The following MAP3K7 variants were observed in gnomAD, a reference collection of about 807,000 sequenced individuals.
MAP3K7 encodes the protein mitogen-activated protein kinase kinase kinase 7.
A neutral mutation model predicts 84.8 loss-of-function variants in MAP3K7; 21 were observed. The ratio of observed to expected loss-of-function variants is 0.25; its 90% CI spans 0.18 to 0.36. The LOEUF (loss-of-function observed/expected upper bound fraction) is 0.36, where lower values mean the gene tolerates loss of function less well. Ranked by LOEUF, MAP3K7 falls within the 10% of genes least tolerant of loss-of-function variation. The probability of loss-of-function intolerance (pLI) is 1.00; values close to 1 mark genes in which losing one functional copy is unlikely to be tolerated. For missense variants in MAP3K7, 503 were observed against 747.7 expected (o/e 0.67, Z 3.82); for synonymous variants, 241 against 247.7 (o/e 0.97, Z 0.25).
At chr6:90,516,868 A>G (rs1040190168) in intron 16 of MAP3K7, among the ~76,000 whole-genome samples, 187 bp from the exon 17 acceptor site, 8 of 152,022 alleles carry the variant, frequency 5.3e-5, no homozygotes, top group Non-Finnish European at 1.0e-4. Context: ...TCATACAAAT[A>G]ACATAATCCT....
chr6:90,525,635 A>G (rs1451212748), intron 13 of MAP3K7, among the ~76,000 whole-genome samples: 1 of 152,110 alleles, frequency 6.6e-6, no homozygotes. Flanking sequence ...TGGTACCATC[A>G]TGGCTCACTG....
At chr6:90,569,432 T>C (rs1029154666) in intron 2 of MAP3K7, among the ~76,000 whole-genome samples, 1 of 152,168 alleles carries the variant, frequency 6.6e-6, no homozygotes, top group African/African-American at 2.4e-5. Flanking sequence ...CAGAGGTCAA[T>C]GAGGGGTTTG....
chr6:90,583,865 G>A (rs969184640), intron 1 of MAP3K7, among the ~76,000 whole-genome samples: 22 of 152,050 alleles, frequency 1.4e-4, no homozygotes, highest in African/African-American at 4.6e-4. Context: ...ACTAAATGAT[G>A]TTTAAAAAGT....
At position 90,562,441 on chromosome 6, in the gene MAP3K7, C is replaced by T. The variant is rs551597099; in HGVS notation, c.298-774G>A. Among the ~76,000 whole-genome samples the T allele has an allele frequency of 3.2e-4, 49 of 152,308 alleles. 1 individual carries two copies. The highest frequency in any genetic ancestry group is 2.0e-3 in the Admixed American group (31 of 15,308). On this transcript the variant is annotated intron_variant, in intron 3 of 16. Coordinates refer to ENST00000369329, the MANE Select transcript of MAP3K7 (RefSeq NM_145331.3). ...AGGAGATTATATCCTGCACCTGGCT[C>T]GGAGGGTCCCATGCCCACGGTGCCT... is the stretch of plus-strand genomic sequence containing the variant.
intron 2 of MAP3K7, 31 bp downstream of exon 2, chr6:90,571,666 A>C: frequency 7.5e-7 from 1 of 1,337,046 alleles, no homozygotes; most frequent in South Asian, 1.3e-5. Flanking sequence ...TAAGTGCAGA[A>C]CTACACAAAA....
In MAP3K7 at chr6:90,544,632, G is replaced by C. The variant is rs752610893; in HGVS notation, c.1211C>G (p.Ala404Gly). ...EIEARIAATTAYSKPKRGHRK... is the reference protein window; with the variant it reads ...EIEARIAATTGYSKPKRGHRK... The stretch of plus-strand genomic sequence containing the variant: ...GTGGCCCCGTTTAGGCTTGGAATAG[G>C]CTGCAAAAACACATATATACAGTAT... The change falls in exon 12 of 17, where the codon GCC (alanine) becomes GGC (glycine). Residue 404 changes from alanine (A) to glycine (G), a missense_variant and splice_region_variant. Around this residue, in one of 5 missense-constraint regions of MAP3K7, gnomAD observed 286 missense variants for 313.6 expected, o/e 0.91. Transcript: ENST00000369329. 1 of 1,611,986 alleles carries C rather than the reference G, an allele frequency of 6.2e-7. No homozygotes were observed. Among genetic ancestry groups the C allele is most frequent in the Non-Finnish European group, 8.5e-7 (1 of 1,178,526 alleles).
chr6:90,561,102 A>G (rs1776498027), intron 4 of MAP3K7, among the ~76,000 whole-genome samples: 1 of 152,202 alleles, frequency 6.6e-6, no homozygotes, highest in Non-Finnish European at 1.5e-5. Flanking sequence ...AACTGGTGCT[A>G]CAAGAGACAA....
At position 90,570,434 on chromosome 6, in the gene MAP3K7, A is replaced by C. The variant is rs1200020354; in HGVS notation, c.231+1263T>G. Among the ~76,000 whole-genome samples the C allele has an allele frequency of 2.0e-5, 3 of 152,166 alleles. No individual in the cohort carries two copies. The East Asian group carries it at 5.8e-4, about 29-fold the overall frequency. On this transcript the variant is annotated intron_variant, in intron 2 of 16. Transcript: ENST00000369329. ...GCAGGGGACAGTGTAAAAGACTCAA[A>C]GATTCCTTCCTTGACTTCAAACAGC... is the stretch of plus-strand genomic sequence containing the variant.
intron 12 of MAP3K7, among the ~76,000 whole-genome samples, chr6:90,538,999 A>G (rs1775766980): frequency 6.6e-6 from 1 of 151,976 alleles, no homozygotes; most frequent in South Asian, 2.1e-4. Flanking sequence ...ACGAGTTTTG[A>G]ATATTACACA....
chr6:90,586,784 T>C lies in MAP3K7; in HGVS notation c.100A>G (p.Lys34Glu). Residue 34 changes from lysine (K) to glutamate (E), a missense_variant, in exon 1 of 17, where the codon AAG (lysine) becomes GAG (glutamate). Physicochemically the swap from Lys to Glu is moderately conservative, Grantham distance 56 (BLOSUM62 1). Around this residue, in one of 5 missense-constraint regions of MAP3K7, gnomAD observed 41 missense variants for 41.4 expected, o/e 0.99. Coordinates refer to ENST00000369329, the MANE Select transcript of MAP3K7 (RefSeq NM_145331.3). ...CTCACCTCTTCCACCTCGATCTCCT[T>C]GTAGTCGATCTCTTCAAAGTTGAGG... ...QVLNFEEIDY[K>E]EIEVEEVVGR... 2 of 1,606,004 alleles carry C rather than the reference T, an allele frequency of 1.2e-6. No homozygotes were observed. The highest frequency in any genetic ancestry group is 1.7e-6 in the Non-Finnish European group (2 of 1,176,634).
At chr6:90,536,547 A>AT in intron 12 of MAP3K7, 146 bp from the exon 13 acceptor site, 3 of 602,254 alleles carry the variant, frequency 5.0e-6, no homozygotes, top group Non-Finnish European at 8.7e-6. Flanking sequence ...TTTATTGCTA[A>AT]GAAAAAAAAA....
chr6:90,574,421 T>G (rs573092611), intron 1 of MAP3K7, among the ~76,000 whole-genome samples: 5 of 152,286 alleles, frequency 3.3e-5, no homozygotes, highest in Middle Eastern at 3.4e-3. Flanking sequence ...TAGTACTCAC[T>G]TCTCTTGCAA....
chr6:90,576,419 T>TCA (rs11468988), intron 1 of MAP3K7, among the ~76,000 whole-genome samples: 7,201 of 136,412 alleles, frequency 0.053, 212 homozygotes, highest in Non-Finnish European at 0.068. Flanking sequence ...CTAGACTCTG[T>TCA]CACACACACA....
At chr6:90,579,696 C>T (rs1455658484) in intron 1 of MAP3K7, among the ~76,000 whole-genome samples, 1 of 152,154 alleles carries the variant, frequency 6.6e-6, no homozygotes, top group East Asian at 1.9e-4. Context: ...TAAGTCAATT[C>T]TCACATTTTA....
chr6:90,543,236 T>C (rs929552604), intron 12 of MAP3K7, among the ~76,000 whole-genome samples: 23 of 152,062 alleles, frequency 1.5e-4, no homozygotes, highest in Admixed American at 2.0e-4. Flanking sequence ...AAAATTACCA[T>C]GTGAAAAATG....
At position 90,513,629 on chromosome 6, in the gene MAP3K7, C is replaced by T. The variant is rs1398165094; in HGVS notation, c.*2872G>A. 2 of 152,090 alleles carry T rather than the reference C, an allele frequency of 1.3e-5. No individual in the cohort carries two copies. The highest frequency in any genetic ancestry group is 3.8e-4 in the East Asian group (2 of 5,196). The allele number at this position is 152,090 out of a possible 1,614,324, so 9.4% of individuals were successfully genotyped here. ...TAAAAACAAAAATAAATCTAAAAAG[C>T]TTCCTTCAGTTACAAATATGCACAA... On this transcript the variant is annotated 3_prime_UTR_variant, in exon 17 of 17. Transcript: ENST00000369329.
intron 13 of MAP3K7, among the ~76,000 whole-genome samples, chr6:90,532,380 A>G (rs926426862): frequency 2.6e-5 from 4 of 152,182 alleles, no homozygotes; most frequent in African/African-American, 9.7e-5. Flanking sequence ...ATTAGTATCT[A>G]CTGTGTGCCC....
chr6:90,544,138 G>A (rs537450948), intron 12 of MAP3K7, among the ~76,000 whole-genome samples: 2 of 152,110 alleles, frequency 1.3e-5, no homozygotes, highest in Non-Finnish European at 2.9e-5. Context: ...GGTTAGGACA[G>A]AAAGTCTAGA....
intron 13 of MAP3K7, among the ~76,000 whole-genome samples, chr6:90,531,557 G>A (rs1775504995): frequency 6.6e-6 from 1 of 152,080 alleles, no homozygotes; most frequent in Non-Finnish European, 1.5e-5. Context: ...CTAATCTAAA[G>A]GTCTGTAGGC....
Sources: allele counts gnomAD v4.1 joint callset (sites outside exome capture counted in the v4.1 genomes callset), GRCh38; gene constraint gnomAD v4.1.1; regional missense constraint gnomAD v4.1.1; transcripts MANE v1.5; gene names NCBI Gene and HGNC (gene_info 2026-07-23, HGNC 2026-07-21).